TMEM17: variants seen among roughly 807,000 people sequenced by gnomAD.
TMEM17 encodes transmembrane protein 17.
A neutral mutation model predicts 19.1 loss-of-function variants in TMEM17; 15 were observed. The ratio of observed to expected loss-of-function variants is 0.78; its 90% CI spans 0.52 to 1.21. The LOEUF (loss-of-function observed/expected upper bound fraction) is 1.21. Ranked by LOEUF, TMEM17 falls within the 50% of genes most tolerant of loss-of-function variation. The pLI is 0.00. For synonymous variants in TMEM17, 103 were observed against 86.9 expected (o/e 1.19, Z -1.03); for missense variants, 245 against 242.3 (o/e 1.01, Z -0.07).
chr2:62,466,407 G>A, the TMEM17 span, among the ~76,000 whole-genome samples: 3 of 152,206 alleles, frequency 2.0e-5, no homozygotes, highest in Non-Finnish European at 4.4e-5. Context: ...GAAAATGGAT[G>A]TTGGGAAACA....
the TMEM17 span, among the ~76,000 whole-genome samples, chr2:62,464,934 C>T: frequency 4.6e-5 from 7 of 152,104 alleles, no homozygotes; most frequent in South Asian, 4.2e-4. Flanking sequence ...ATATCTCAAG[C>T]GCTGATCTTG....
At chr2:62,464,175 TG>T in the TMEM17 span, 2 of 152,240 alleles carry the variant, frequency 1.3e-5, no homozygotes, top group Non-Finnish European at 2.9e-5. Flanking sequence ...CCCTCACTGG[TG>T]GAGGGCAGCT....
At chr2:62,480,232 T>C in the TMEM17 span, among the ~76,000 whole-genome samples, 1 of 152,182 alleles carries the variant, frequency 6.6e-6, no homozygotes, top group Admixed American at 6.5e-5. Context: ...AAATGTCTAC[T>C]CAGATCATTT....
chr2:62,506,004 C>G lies in TMEM17; in HGVS notation c.100+26G>C, dbSNP rs374261147. ...CGCCAAGCCCTCGGCAGGCCACACCCCCTGCACCGGGCCTCGGTCACTCAC... is the reference window on the plus strand; with the variant it reads ...CGCCAAGCCCTCGGCAGGCCACACCGCCTGCACCGGGCCTCGGTCACTCAC... On this transcript the variant is annotated intron_variant, in intron 1 of 3. Transcript: ENST00000335390. 1.9e-6 allele frequency: 3 copies of G among 1,587,656 alleles called. No individual in the cohort carries two copies. In the African/African-American group the frequency reaches 4.1e-5, roughly 21 times the overall value.
chr2:62,497,176 T>C (rs1040939837), downstream of TMEM17, among the ~76,000 whole-genome samples: 2 of 152,228 alleles, frequency 1.3e-5, no homozygotes, highest in African/African-American at 2.4e-5. Context: ...CCAGGCCAGC[T>C]TGTTCTCGCC....
the TMEM17 span, among the ~76,000 whole-genome samples, chr2:62,490,571 A>G: frequency 0.67 from 101,956 of 152,048 alleles, 34,556 homozygotes; most frequent in African/African-American, 0.77. Context: ...ATCTTTTAAA[A>G]CCTTATTATA....
At chr2:62,493,371 G>A in the TMEM17 span, among the ~76,000 whole-genome samples, 1 of 152,136 alleles carries the variant, frequency 6.6e-6, no homozygotes, top group African/African-American at 2.4e-5. Flanking sequence ...GTAGTGTCAT[G>A]ATCAGATTTG....
the TMEM17 span, among the ~76,000 whole-genome samples, chr2:62,490,954 C>T: frequency 2.6e-5 from 4 of 152,056 alleles, no homozygotes; most frequent in African/African-American, 9.6e-5. Flanking sequence ...TGGTGTGTGC[C>T]TGTAATCCCA....
the TMEM17 span, among the ~76,000 whole-genome samples, chr2:62,467,641 C>T: frequency 4.5e-4 from 69 of 152,284 alleles, 1 homozygote; most frequent in South Asian, 0.01. Context: ...TTGAATCCTC[C>T]CAAACTGCGT....
At chr2:62,480,629 A>G in the TMEM17 span, among the ~76,000 whole-genome samples, 2 of 152,168 alleles carry the variant, frequency 1.3e-5, no homozygotes, top group African/African-American at 4.8e-5. Flanking sequence ...GCATATGGAT[A>G]TCTGGTTTTA....
downstream of TMEM17, among the ~76,000 whole-genome samples, chr2:62,498,137 C>A (rs1245703561): frequency 2.0e-5 from 3 of 152,192 alleles, no homozygotes; most frequent in Non-Finnish European, 2.9e-5. Context: ...GTAATCCCAG[C>A]ACTTTGGGAG....
the TMEM17 span, among the ~76,000 whole-genome samples, chr2:62,471,543 A>G: frequency 4.2e-4 from 64 of 152,310 alleles, no homozygotes; most frequent in Non-Finnish European, 7.8e-4. Context: ...TGCTTCCTAG[A>G]TTGGGAATTC....
chr2:62,505,577 G>C (rs1680044498), intron 1 of TMEM17, among the ~76,000 whole-genome samples: 1 of 151,458 alleles, frequency 6.6e-6, no homozygotes, highest in African/African-American at 2.4e-5. Context: ...GGGGACGGGG[G>C]AGGTGGGATT....
chr2:62,478,199 G>A, the TMEM17 span, among the ~76,000 whole-genome samples: 3 of 152,234 alleles, frequency 2.0e-5, no homozygotes, highest in Non-Finnish European at 4.4e-5. Context: ...GAGCCAATGA[G>A]TCTCCCTATC....
the TMEM17 span, among the ~76,000 whole-genome samples, chr2:62,481,812 G>C: frequency 6.6e-6 from 1 of 151,696 alleles, no homozygotes; most frequent in African/African-American, 2.4e-5. Flanking sequence ...TTTGTGTCTA[G>C]TGATGGAGTT....
chr2:62,488,330 T>C, the TMEM17 span, among the ~76,000 whole-genome samples: 3 of 152,184 alleles, frequency 2.0e-5, no homozygotes, highest in Admixed American at 6.5e-5. Flanking sequence ...GCAAAGTTAC[T>C]TATATTTATT....
chr2:62,477,071 T>C, the TMEM17 span, among the ~76,000 whole-genome samples: 14 of 152,246 alleles, frequency 9.2e-5, no homozygotes, highest in Non-Finnish European at 1.5e-5. Context: ...TTGAGGCCAT[T>C]GCCGAGCAAC....
chr2:62,458,152 A>G, the TMEM17 span, among the ~76,000 whole-genome samples: 2 of 152,222 alleles, frequency 1.3e-5, no homozygotes, highest in Admixed American at 1.3e-4. Flanking sequence ...CACTCAGCAA[A>G]TTCTTGTAAA....
chr2:62,472,930 C>G, the TMEM17 span, among the ~76,000 whole-genome samples: 7 of 152,162 alleles, frequency 4.6e-5, no homozygotes, highest in Non-Finnish European at 7.4e-5. Context: ...CCGTGGCTGG[C>G]CTATTTTGGA....
Sources: allele counts gnomAD v4.1 joint callset (sites outside exome capture counted in the v4.1 genomes callset), GRCh38; gene constraint gnomAD v4.1.1; transcripts MANE v1.5; gene names NCBI Gene and HGNC (gene_info 2026-07-23, HGNC 2026-07-21).